The following GTF2A2 variants were observed in gnomAD, a reference collection of about 807,000 sequenced individuals.
GTF2A2 encodes transcription initiation factor IIA subunit 2.
Under a neutral mutation model 14.3 loss-of-function variants are expected in GTF2A2, and 9 were observed. The observed-to-expected ratio is 0.63, with a 90% confidence interval of 0.38 to 1.10. The LOEUF (loss-of-function observed/expected upper bound fraction) is 1.10. GTF2A2 is among the 50% of genes least tolerant of loss of function. The probability of loss-of-function intolerance (pLI) is 0.01; values close to 1 mark genes in which losing one functional copy is unlikely to be tolerated. For synonymous variants in GTF2A2, 56 were observed against 46.0 expected, an observed-to-expected ratio of 1.22 and a Z score of -0.88; for missense variants, 90 against 124.6, an observed-to-expected ratio of 0.72 and a Z score of 1.32.
At position 59,650,691 on chromosome 15, in the gene GTF2A2, AC is replaced by A; in HGVS notation, c.154del (p.Val52SerfsTer11). The A allele has an allele frequency of 6.3e-7, 1 of 1,598,198 alleles. No homozygotes were observed. Among genetic ancestry groups the A allele is most frequent in the Non-Finnish European group, 8.6e-7 (1 of 1,165,592 alleles). ...KAINAALAQR[V>X]RNRVNFRGSL... ...TACCCTGAAATTGACTCTGTTCCTG[AC>A]CCTCTGAGCCAGTGCTGCATTTATA... On this transcript the variant is annotated frameshift_variant, in exon 3 of 5. Transcript: ENST00000396060. LOFTEE classifies it high-confidence loss of function.
rs1287526227 is a variant in GTF2A2, at chr15:59,639,705, G to A, written c.305-548C>T. ...GATCTCCTGACCTCGTGATCTGCCC[G>A]CCTCGGCATCCCAAAGTGCTGGCAT... On this transcript the variant is annotated intron_variant, in intron 4 of 4. Coordinates refer to ENST00000396060, the MANE Select transcript of GTF2A2 (RefSeq NM_004492.3). 4.6e-5 allele frequency among the ~76,000 whole-genome samples: 7 copies of A among 151,576 alleles called. No homozygotes were observed. In the East Asian group the frequency reaches 9.7e-4, roughly 21 times the overall value.
chr15:59,648,802 C>T (rs996427645), intron 3 of GTF2A2, among the ~76,000 whole-genome samples: 1 of 151,902 alleles, frequency 6.6e-6, no homozygotes, highest in Non-Finnish European at 1.5e-5. Flanking sequence ...GGCGTGGTGG[C>T]GGGCACCTGT....
intron 3 of GTF2A2, among the ~76,000 whole-genome samples, chr15:59,645,827 G>A (rs1481200837): frequency 6.6e-6 from 1 of 151,922 alleles, no homozygotes; most frequent in Non-Finnish European, 1.5e-5. Context: ...CTGAGGTGAG[G>A]AGTTCAAGAC....
chr15:59,652,105 C>T, intron 2 of GTF2A2, 101 bp downstream of exon 2: 2 of 714,194 alleles, frequency 2.8e-6, no homozygotes, highest in Non-Finnish European at 4.9e-6. Flanking sequence ...GTCAAATAGT[C>T]CAAGATATTT....
At chr15:59,649,343 G>A (rs1273081957) in intron 3 of GTF2A2, among the ~76,000 whole-genome samples, 2 of 152,160 alleles carry the variant, frequency 1.3e-5, no homozygotes, top group African/African-American at 4.8e-5. Context: ...AAAACACTAT[G>A]CAAGATAAAT....
At chr15:59,639,275 C>G (rs1891302228) in intron 4 of GTF2A2, 118 bp from the exon 5 acceptor site, 1 of 712,448 alleles carries the variant, frequency 1.4e-6, no homozygotes, top group Admixed American at 2.1e-5. Flanking sequence ...TGGTGGCTTG[C>G]AGGGTGGGGA....
rs1024748847 is a variant in GTF2A2, at chr15:59,657,445, C to G, written c.-89G>C. 5.9e-5 allele frequency: 9 copies of G among 152,672 alleles called. No homozygotes were observed. In the East Asian group the frequency reaches 1.5e-3, roughly 26 times the overall value. The allele number at this position is 152,672 out of a possible 1,614,324, so 9.5% of individuals were successfully genotyped here. On this transcript the variant is annotated 5_prime_UTR_variant, in exon 1 of 5. Transcript: ENST00000396060. ...CTTCCCTCCGCGGAGCGGACAGAAG[C>G]CGCCACGAGCCCGGCAGGAGGTTCC...
Position 59,642,225 on chromosome 15 carries a change from C to A in GTF2A2, c.215G>T (p.Trp72Leu), listed in dbSNP as rs1416108256. 6.2e-7 allele frequency: 1 copy of A among 1,610,030 alleles called. No individual in the cohort carries two copies. Reference sequence around the variant, plus strand: ...TTCAACATCATTCAGTACAAAAGTCCACACATTATCGCAGAATCTGTACGT... The same window carrying A: ...TTCAACATCATTCAGTACAAAAGTCAACACATTATCGCAGAATCTGTACGT... ...LNTYRFCDNV[W>L]TFVLNDVEFR... Residue 72 changes from tryptophan to leucine, a missense_variant, in exon 4 of 5, where the codon TGG (tryptophan) becomes TTG (leucine). Transcript: ENST00000396060.
intron 3 of GTF2A2, among the ~76,000 whole-genome samples, chr15:59,643,619 A>C (rs1891507548): frequency 7.8e-6 from 1 of 128,160 alleles, no homozygotes. Context: ...TTTTTTGGAG[A>C]TGGAGTCTCA....
chr15:59,641,489 T>C (rs908275900), intron 4 of GTF2A2, among the ~76,000 whole-genome samples: 4 of 152,196 alleles, frequency 2.6e-5, no homozygotes, highest in Admixed American at 6.5e-5. Context: ...GCAGCAGTCT[T>C]TTCTATTTAC....
chr15:59,643,989 G>A (rs574914626), intron 3 of GTF2A2, among the ~76,000 whole-genome samples: 1 of 152,230 alleles, frequency 6.6e-6, no homozygotes, highest in East Asian at 1.9e-4. Flanking sequence ...CTGTCTCCCA[G>A]GTTCAAGTGA....
At chr15:59,639,422 T>TGTTACATAAC (rs1213622070) in intron 4 of GTF2A2, among the ~76,000 whole-genome samples, 2 of 152,026 alleles carry the variant, frequency 1.3e-5, no homozygotes, top group South Asian at 2.1e-4. Flanking sequence ...TTCACATAAT[T>TGTTACATAAC]GTTACATAAC....
chr15:59,654,227 CA>C (rs1227266429), intron 1 of GTF2A2, among the ~76,000 whole-genome samples: 1 of 152,212 alleles, frequency 6.6e-6, no homozygotes, highest in Admixed American at 6.5e-5. Context: ...TTGGGCCCCC[CA>C]GTGCCTACTT....
chr15:59,639,804 G>A (rs1325232841), intron 4 of GTF2A2, among the ~76,000 whole-genome samples: 4 of 151,978 alleles, frequency 2.6e-5, no homozygotes, highest in Non-Finnish European at 5.9e-5. Context: ...AGGCTGGAGT[G>A]CAGTAGCGCA....
Position 59,642,128 on chromosome 15 carries a change from G to C in GTF2A2, c.304+8C>G. ...AGTAGCTTTCACAGAAATAAGGCAA[G>C]CACTTACTTTTACCATCACAGGCTA... is the stretch of plus-strand genomic sequence containing the variant. On this transcript the variant is annotated splice_region_variant and intron_variant, in intron 4 of 4. Transcript: ENST00000396060. 1.9e-6 allele frequency: 3 copies of C among 1,599,238 alleles called. No individual in the cohort carries two copies. The highest frequency in any genetic ancestry group is 2.6e-6 in the Non-Finnish European group (3 of 1,173,970).
chr15:59,654,220 G>C (rs1260063149), intron 1 of GTF2A2, among the ~76,000 whole-genome samples: 1 of 152,036 alleles, frequency 6.6e-6, no homozygotes. Flanking sequence ...ATGTGATTTG[G>C]GCCCCCCAGT....
intron 4 of GTF2A2, among the ~76,000 whole-genome samples, chr15:59,640,749 T>TA (rs1277196199): frequency 6.6e-6 from 1 of 152,220 alleles, no homozygotes; most frequent in East Asian, 1.9e-4. Context: ...AGGATGCTGT[T>TA]ACCTTAAATA....
At chr15:59,648,536 A>C (rs1169989120) in intron 3 of GTF2A2, among the ~76,000 whole-genome samples, 2 of 152,178 alleles carry the variant, frequency 1.3e-5, no homozygotes, top group Non-Finnish European at 2.9e-5. Context: ...CTAATAAATT[A>C]AAACATATAA....
At chr15:59,653,282 C>T (rs554868638) in intron 1 of GTF2A2, among the ~76,000 whole-genome samples, 12 of 152,226 alleles carry the variant, frequency 7.9e-5, no homozygotes, top group East Asian at 1.9e-4. Context: ...TTCCACTACA[C>T]GTCAGGTGTA....
Sources: allele counts gnomAD v4.1 joint callset (sites outside exome capture counted in the v4.1 genomes callset), GRCh38; gene constraint gnomAD v4.1.1; transcripts MANE v1.5; gene names NCBI Gene and HGNC (gene_info 2026-07-23, HGNC 2026-07-21).